Variants in KIAA0319L observed in about 807,000 individuals in gnomAD.
The protein encoded by KIAA0319L is KIAA0319 like.
In KIAA0319L, 55 loss-of-function variants were observed where a neutral mutation model predicts 120.1. The observed-to-expected ratio is 0.46, with a 90% CI of 0.37 to 0.57. The LOEUF (loss-of-function observed/expected upper bound fraction) is 0.57. Ranked by LOEUF, KIAA0319L falls within the 20% of genes least tolerant of loss-of-function variation. KIAA0319L has a pLI of 0.00. For missense variants in KIAA0319L, 1,049 were observed against 1,255.3 expected (o/e 0.84, Z 2.48); for synonymous variants, 398 against 471.9 (o/e 0.84, Z 2.03).
At chr1:35,503,925 G>A (rs571651079) in intron 3 of KIAA0319L, among the ~76,000 whole-genome samples, 4 of 145,352 alleles carry the variant, frequency 2.8e-5, no homozygotes, top group African/African-American at 1.0e-4. Flanking sequence ...TTGCTGTGTC[G>A]CCCAGGCTGG....
intron 20 of KIAA0319L, among the ~76,000 whole-genome samples, chr1:35,436,330 T>C (rs1640787065): frequency 6.6e-6 from 1 of 152,218 alleles, no homozygotes; most frequent in Non-Finnish European, 1.5e-5. Context: ...GCTCTGGGGC[T>C]TGGGCAGGGA....
In KIAA0319L at chr1:35,437,661, C is replaced by T. The variant is rs941260799; in HGVS notation, c.2963-2580G>A. ...TCTTTGGCCTTTGCAGCAGCAAACA[C>T]CGACGGCTGTCCCCTAATGAATCCC... is the stretch of plus-strand genomic sequence containing the variant. On this transcript the variant is annotated intron_variant, in intron 20 of 20. Transcript: ENST00000325722. This position sits in a 1 kb window ranked among gnomAD's most constrained non-coding sequence, Gnocchi z 4.1. Among the ~76,000 whole-genome samples, 4 of 152,188 alleles carry T rather than the reference C, an allele frequency of 2.6e-5. No homozygotes were observed. The highest frequency in any genetic ancestry group is 4.1e-4 in the South Asian group (2 of 4,828).
chr1:35,536,696 G>A (rs1367846930), intron 2 of KIAA0319L, among the ~76,000 whole-genome samples: 1 of 152,070 alleles, frequency 6.6e-6, no homozygotes, highest in Non-Finnish European at 1.5e-5. Flanking sequence ...CATTTCAAAA[G>A]ACCCATCTGC....
At chr1:35,464,236 A>C (rs1570694245) in intron 7 of KIAA0319L, among the ~76,000 whole-genome samples, 1 of 152,188 alleles carries the variant, frequency 6.6e-6, no homozygotes, top group Admixed American at 6.5e-5. Context: ...AATGTGGGAA[A>C]GTTTGGAACT....
chr1:35,480,688 A>C (rs1644126575), intron 3 of KIAA0319L, among the ~76,000 whole-genome samples: 1 of 152,166 alleles, frequency 6.6e-6, no homozygotes, highest in African/African-American at 2.4e-5. Flanking sequence ...AGGCTGAGGC[A>C]CAAGAATCAC....
At chr1:35,503,739 T>C (rs1645095229) in intron 3 of KIAA0319L, among the ~76,000 whole-genome samples, 1 of 152,152 alleles carries the variant, frequency 6.6e-6, no homozygotes, top group South Asian at 2.1e-4. Flanking sequence ...TTCATTTATA[T>C]GTGAATTTTC....
chr1:35,436,219 G>A (rs1379590666), intron 20 of KIAA0319L, among the ~76,000 whole-genome samples: 6 of 152,244 alleles, frequency 3.9e-5, no homozygotes, highest in Middle Eastern at 3.4e-3. Context: ...GCAGTGCCCC[G>A]AGCTCTCCAG....
intron 2 of KIAA0319L, among the ~76,000 whole-genome samples, chr1:35,509,139 A>T (rs936303728): frequency 2.0e-5 from 3 of 152,126 alleles, no homozygotes; most frequent in Non-Finnish European, 4.4e-5. Flanking sequence ...AGGCAAGCAT[A>T]ACAGGGCAGT....
At chr1:35,514,039 T>C (rs934772747) in intron 2 of KIAA0319L, among the ~76,000 whole-genome samples, 2 of 152,222 alleles carry the variant, frequency 1.3e-5, no homozygotes, top group Admixed American at 6.5e-5. Context: ...TTACCTCCTG[T>C]AGTTGAGAAT....
chr1:35,537,508 T>C (rs1246282381), intron 2 of KIAA0319L, among the ~76,000 whole-genome samples: 1 of 148,342 alleles, frequency 6.7e-6, no homozygotes, highest in Non-Finnish European at 1.5e-5. Flanking sequence ...GGAAATAATA[T>C]AGCTAGCCAT....
At chr1:35,522,109 C>G (rs1290622578) in intron 2 of KIAA0319L, among the ~76,000 whole-genome samples, 1 of 152,036 alleles carries the variant, frequency 6.6e-6, no homozygotes, top group Non-Finnish European at 1.5e-5. Context: ...AGGTTCAGAG[C>G]AGTATGTATA....
In KIAA0319L at chr1:35,491,967, C is replaced by T. The variant is rs557123704; in HGVS notation, c.667-12755G>A. Among the ~76,000 whole-genome samples the T allele has an allele frequency of 2.0e-5, 3 of 152,314 alleles. No homozygotes were observed. In the South Asian group the frequency reaches 6.2e-4, roughly 32 times the overall value. On this transcript the variant is annotated intron_variant, in intron 3 of 20. Coordinates refer to ENST00000325722, the MANE Select transcript of KIAA0319L (RefSeq NM_024874.5). ...CACTCAAGAAGAAAGAGACAGCCTA[C>T]ATAGCAATGTATCTATCACATAAAT...
chr1:35,468,874 C>G (rs1402151664), intron 6 of KIAA0319L, among the ~76,000 whole-genome samples: 1 of 152,166 alleles, frequency 6.6e-6, no homozygotes, highest in Non-Finnish European at 1.5e-5. Context: ...TTTGTGAACT[C>G]TGGCCAAATC....
In KIAA0319L at chr1:35,450,023, A is replaced by T; in HGVS notation, c.2215-18T>A. On this transcript the variant is annotated intron_variant, in intron 14 of 20. Coordinates refer to ENST00000325722, the MANE Select transcript of KIAA0319L (RefSeq NM_024874.5). ...AACACCTCCTGTAGGGTTGAACAACATGGCTATGTTACAGAACAAAATGCC... is the reference window on the plus strand; with the variant it reads ...AACACCTCCTGTAGGGTTGAACAACTTGGCTATGTTACAGAACAAAATGCC... 6.2e-7 allele frequency: 1 copy of T among 1,613,968 alleles called. No individual in the cohort carries two copies. The highest frequency in any genetic ancestry group is 1.3e-5 in the African/African-American group (1 of 75,060).
intron 3 of KIAA0319L, among the ~76,000 whole-genome samples, chr1:35,491,728 G>A (rs1220785173): frequency 6.6e-6 from 1 of 152,092 alleles, no homozygotes; most frequent in Non-Finnish European, 1.5e-5. Flanking sequence ...ACATTAACTA[G>A]TCTAATCAGG....
intron 3 of KIAA0319L, among the ~76,000 whole-genome samples, chr1:35,493,782 C>G (rs1301963743): frequency 6.6e-6 from 1 of 151,816 alleles, no homozygotes; most frequent in African/African-American, 2.4e-5. Flanking sequence ...GAGGTCATGG[C>G]TGCAGAGAGC....
At position 35,453,654 on chromosome 1, in the gene KIAA0319L, C is replaced by T. The variant is rs370257605; in HGVS notation, c.1816G>A (p.Asp606Asn). 2 of 1,613,840 alleles carry T rather than the reference C, an allele frequency of 1.2e-6. No homozygotes were observed. Among genetic ancestry groups the T allele is most frequent in the African/African-American group, 2.7e-5 (2 of 74,888 alleles). The change falls in exon 12 of 21, where the codon GAT (aspartate) becomes AAT (asparagine). Residue 606 changes from aspartate (D) to asparagine (N), a missense_variant. Coordinates refer to ENST00000325722, the MANE Select transcript of KIAA0319L (RefSeq NM_024874.5). This position sits in a 1 kb window ranked among gnomAD's most constrained non-coding sequence, Gnocchi z 4.1. ...TCCACAGGAAGGGTCAGCTCTTTAT[C>T]TGGGCCTGCATCTGCCTGAGGAGGC... ...NKPPQADAGP[D>N]KELTLPVDST...
At chr1:35,480,083 C>T (rs1570757048) in intron 3 of KIAA0319L, among the ~76,000 whole-genome samples, 1 of 151,450 alleles carries the variant, frequency 6.6e-6, no homozygotes, top group African/African-American at 2.4e-5. Context: ...GGAGAAGAGC[C>T]CTAAGCTGAG....
At chr1:35,480,508 G>A (rs1208503086) in intron 3 of KIAA0319L, among the ~76,000 whole-genome samples, 2 of 152,156 alleles carry the variant, frequency 1.3e-5, no homozygotes, top group East Asian at 3.8e-4. Flanking sequence ...TCGGCCGGGT[G>A]TGGTGTCTCA....
Sources: allele counts gnomAD v4.1 joint callset (sites outside exome capture counted in the v4.1 genomes callset), GRCh38; gene constraint gnomAD v4.1.1; non-coding constraint Gnocchi (gnomAD v3.1); transcripts MANE v1.5; gene names NCBI Gene and HGNC (gene_info 2026-07-23, HGNC 2026-07-21).